CDH4: variants seen among roughly 807,000 people sequenced by gnomAD.
The protein encoded by CDH4 is cadherin-4.
CDH4 carries 33 observed loss-of-function variants against 86.0 expected under a neutral mutation model. That is an observed-to-expected ratio of 0.38 (90% CI 0.29 to 0.51). The LOEUF is 0.51. CDH4 is among the 20% of genes least tolerant of loss of function. The probability of loss-of-function intolerance (pLI) is 0.86; values close to 1 mark genes in which losing one functional copy is unlikely to be tolerated. For missense variants in CDH4, 1,114 were observed against 1,307.4 expected, an observed-to-expected ratio of 0.85 and a Z score of 2.28; for synonymous variants, 555 against 549.4, an observed-to-expected ratio of 1.01 and a Z score of -0.14.
Position 61,933,095 on chromosome 20 carries a change from G to A in CDH4, c.2350G>A (p.Asp784Asn), listed in dbSNP as rs1348705388. Residue 784 changes from aspartate to asparagine, a missense_variant, in exon 14 of 16, where the codon GAC becomes AAC. By Grantham distance (23) the Asp-to-Asn change is conservative (BLOSUM62 1). Transcript: ENST00000614565. ...DDVRDNILKYDEEGGGEEDQD... is the reference protein window; with the variant it reads ...DDVRDNILKYNEEGGGEEDQD... ...CGTCCGCGACAACATCCTCAAGTAT[G>A]ACGAGGAAGGCGGTGGCGAGGAGGA... 6.2e-7 allele frequency: 1 copy of A among 1,613,106 alleles called. No individual in the cohort carries two copies.
intron 2 of CDH4, among the ~76,000 whole-genome samples, chr20:61,413,279 G>A (rs1374607751): frequency 2.0e-5 from 3 of 151,562 alleles, no homozygotes; most frequent in Non-Finnish European, 2.9e-5. Flanking sequence ...CCAGCTGGTT[G>A]TGTTTCTCTT....
chr20:61,745,346 T>C (rs2088400950), intron 3 of CDH4, among the ~76,000 whole-genome samples: 2 of 152,164 alleles, frequency 1.3e-5, no homozygotes, highest in South Asian at 2.1e-4. Context: ...GGAACCCACT[T>C]TGGGAAGGGA....
At chr20:61,565,840 C>T (rs1175294527) in intron 2 of CDH4, among the ~76,000 whole-genome samples, 1 of 152,220 alleles carries the variant, frequency 6.6e-6, no homozygotes, top group Non-Finnish European at 1.5e-5. Flanking sequence ...ACATGCCTGC[C>T]TGGACGCTGT....
intron 6 of CDH4, among the ~76,000 whole-genome samples, chr20:61,863,955 ACTGG>A (rs1983438017): frequency 1.8e-4 from 1 of 5,590 alleles, no homozygotes; most frequent in African/African-American, 1.9e-4. Flanking sequence ...GGGCGGGTGG[ACTGG>A]AGCCCTGCCC....
chr20:61,578,697 A>C (rs553016588), intron 2 of CDH4, among the ~76,000 whole-genome samples: 1 of 152,298 alleles, frequency 6.6e-6, no homozygotes, highest in South Asian at 2.1e-4. Flanking sequence ...CTGTGCATGG[A>C]AAGTCTGGGC....
At chr20:61,891,430 A>C (rs1474376129) in intron 7 of CDH4, among the ~76,000 whole-genome samples, 2 of 151,450 alleles carry the variant, frequency 1.3e-5, no homozygotes, top group African/African-American at 2.4e-5. Context: ...TGAGCCGCCC[A>C]CTCTCCCCGG....
At chr20:61,772,941 T>C (rs914934786) in intron 3 of CDH4, 62 bp from the exon 4 acceptor site, 4 of 1,480,728 alleles carry the variant, frequency 2.7e-6, no homozygotes, top group Non-Finnish European at 3.7e-6. Flanking sequence ...GCAGATGCCA[T>C]TTTCCTCTGT....
intron 4 of CDH4, among the ~76,000 whole-genome samples, chr20:61,782,485 C>A (rs1043599986): frequency 1.3e-5 from 2 of 152,124 alleles, no homozygotes; most frequent in Admixed American, 1.3e-4. Context: ...GGAAGAGATA[C>A]ATTTATGGGC....
At chr20:61,808,635 C>T (rs911563189) in intron 4 of CDH4, among the ~76,000 whole-genome samples, 2 of 152,214 alleles carry the variant, frequency 1.3e-5, no homozygotes, top group Non-Finnish European at 2.9e-5. Context: ...CCACACTGGC[C>T]CTCGGAGCAG....
chr20:61,693,070 G>A (rs6089475), intron 2 of CDH4, among the ~76,000 whole-genome samples: 76,188 of 151,898 alleles, frequency 0.5, 19,812 homozygotes, highest in East Asian at 0.74. Flanking sequence ...TGGGATCTAC[G>A]GGGACTCTGT....
chr20:61,625,075 CCT>C (rs2086817565), intron 2 of CDH4, among the ~76,000 whole-genome samples: 1 of 152,156 alleles, frequency 6.6e-6, no homozygotes, highest in Non-Finnish European at 1.5e-5. Flanking sequence ...TAGGGAGATT[CCT>C]GGGCCTCTCG....
At chr20:61,496,008 C>T (rs974794297) in intron 2 of CDH4, among the ~76,000 whole-genome samples, 4 of 151,760 alleles carry the variant, frequency 2.6e-5, no homozygotes, top group Admixed American at 2.0e-4. Context: ...GAAAGCTCCT[C>T]GAACATTTTT....
At chr20:61,819,334 G>C (rs893049908) in intron 4 of CDH4, among the ~76,000 whole-genome samples, 1 of 152,224 alleles carries the variant, frequency 6.6e-6, no homozygotes, top group Non-Finnish European at 1.5e-5. Flanking sequence ...CATGGATGTT[G>C]GCACATGCTG....
rs564777071 is a variant in CDH4, at chr20:61,709,001, C to T, written c.170-34562C>T. 4.6e-5 allele frequency among the ~76,000 whole-genome samples: 7 copies of T among 152,362 alleles called. No individual in the cohort carries two copies. The East Asian group carries it at 7.7e-4, about 17-fold the overall frequency. On this transcript the variant is annotated intron_variant, in intron 2 of 15. Coordinates refer to ENST00000614565, the MANE Select transcript of CDH4 (RefSeq NM_001794.5). This position sits in a 1 kb window ranked among gnomAD's most constrained non-coding sequence, Gnocchi z 4.8. The stretch of plus-strand genomic sequence containing the variant: ...CAGACCTGCTCAGCCCTGCCTTCCC[C>T]GAAGGACCTCAGGCTACACGGGCAG...
At chr20:61,788,524 T>C (rs1414072178) in intron 4 of CDH4, among the ~76,000 whole-genome samples, 1 of 152,192 alleles carries the variant, frequency 6.6e-6, no homozygotes, top group Non-Finnish European at 1.5e-5. Context: ...GGCCCCCAAG[T>C]GCTGACAGCA....
intron 5 of CDH4, among the ~76,000 whole-genome samples, chr20:61,849,744 G>A (rs1170886838): frequency 6.6e-6 from 1 of 152,208 alleles, no homozygotes; most frequent in Non-Finnish European, 1.5e-5. Flanking sequence ...CCAGCAAGGT[G>A]CATAGGATGC....
At chr20:61,677,858 T>A (rs1256108486) in intron 2 of CDH4, among the ~76,000 whole-genome samples, 1 of 130,084 alleles carries the variant, frequency 7.7e-6, no homozygotes, top group Non-Finnish European at 1.6e-5. Context: ...AGATAGATAA[T>A]AGATGGATAG....
At chr20:61,789,963 T>C (rs1180459610) in intron 4 of CDH4, among the ~76,000 whole-genome samples, 2 of 152,208 alleles carry the variant, frequency 1.3e-5, no homozygotes, top group African/African-American at 4.8e-5. Context: ...TTGACATAAT[T>C]TATTGTGTTC....
At position 61,936,817 on chromosome 20, in the gene CDH4, C is replaced by A. The variant is rs765701412; in HGVS notation, c.2625C>A (p.Ser875=). 8 of 1,611,094 alleles carry A rather than the reference C, an allele frequency of 5.0e-6. No homozygotes were observed. Among genetic ancestry groups the A allele is most frequent in the Admixed American group, 3.3e-5 (2 of 59,824 alleles). The change falls in exon 16 of 16, where the codon TCC becomes TCA. Residue 875 remains serine (S), a synonymous_variant. Coordinates refer to ENST00000614565, the MANE Select transcript of CDH4 (RefSeq NM_001794.5). ...TCTTCGACTACGAGGGGAGCGGCTC[C>A]ACCGCAGGCTCCGTCAGCTCCCTGA... ...LLVFDYEGSG[S]TAGSVSSLNS...
Sources: allele counts gnomAD v4.1 joint callset (sites outside exome capture counted in the v4.1 genomes callset), GRCh38; gene constraint gnomAD v4.1.1; non-coding constraint Gnocchi (gnomAD v3.1); transcripts MANE v1.5; gene names NCBI Gene and HGNC (gene_info 2026-07-23, HGNC 2026-07-21).